The following CCDC180 variants were observed in gnomAD, a reference collection of about 807,000 sequenced individuals.
CCDC180 encodes coiled-coil domain-containing protein 180.
A neutral mutation model predicts 209.2 loss-of-function variants in CCDC180; 154 were observed. That is an observed-to-expected ratio of 0.74 (90% confidence interval 0.65 to 0.84). The LOEUF (loss-of-function observed/expected upper bound fraction) is 0.84, where lower values mean the gene tolerates loss of function less well. CCDC180 is among the 40% of genes least tolerant of loss of function. The pLI is 0.00. For synonymous variants in CCDC180, 778 were observed against 749.1 expected, an observed-to-expected ratio of 1.04 and a Z score of -0.63; for missense variants, 1,874 against 1,997.3, an observed-to-expected ratio of 0.94 and a Z score of 1.18.
intron 33 of CCDC180, 111 bp downstream of exon 33, chr9:97,370,889 C>A: frequency 8.4e-7 from 1 of 1,187,308 alleles, no homozygotes; most frequent in Non-Finnish European, 1.2e-6. Flanking sequence ...CCAAAGCAGG[C>A]ATGATCGTGG....
At chr9:97,310,105 A>G (rs1042136298) in intron 3 of CCDC180, among the ~76,000 whole-genome samples, 2 of 152,234 alleles carry the variant, frequency 1.3e-5, no homozygotes, top group Non-Finnish European at 2.9e-5. Context: ...GGCCACAGTC[A>G]GTATTTTGAA....
chr9:97,316,343 G>A (rs1335787898), intron 8 of CCDC180, among the ~76,000 whole-genome samples: 5 of 152,234 alleles, frequency 3.3e-5, no homozygotes, highest in African/African-American at 1.2e-4. Context: ...AGGAAGTACA[G>A]CTAAATCAAG....
rs780425546 is a variant in CCDC180, at chr9:97,330,623, G to C, written c.2130G>C (p.Glu710Asp). ...REGSLNPSLN[E>D]ENVKGQGEKK... is the part of the protein sequence containing the mutation. ...GCTCCTTAAACCCATCCCTGAATGA[G>C]GAGAATGTGAAGGGTCAAGGAGAAA... Residue 710 changes from glutamate (E) to aspartate (D), a missense_variant, in exon 18 of 37, where the codon GAG becomes GAC. Coordinates refer to ENST00000529487, the MANE Select transcript of CCDC180 (RefSeq NM_020893.6). The C allele has an allele frequency of 1.7e-5, 27 of 1,613,628 alleles. No homozygotes were observed. Among genetic ancestry groups the C allele is most frequent in the Admixed American group, 3.3e-5 (2 of 59,948 alleles).
intron 33 of CCDC180, chr9:97,371,076 G>T (rs1827085471): frequency 5.6e-6 from 1 of 177,138 alleles, no homozygotes; most frequent in Admixed American, 6.5e-5. Flanking sequence ...CCATTCTCCT[G>T]CCTCAGCCTC....
At chr9:97,375,196 G>T (rs1186808123) in intron 35 of CCDC180, among the ~76,000 whole-genome samples, 1 of 152,154 alleles carries the variant, frequency 6.6e-6, no homozygotes, top group Non-Finnish European at 1.5e-5. Context: ...CTCAGAAAGG[G>T]GAGCAACTTG....
intron 31 of CCDC180, among the ~76,000 whole-genome samples, chr9:97,367,779 C>G (rs1422361912): frequency 6.6e-6 from 1 of 152,144 alleles, no homozygotes; most frequent in Non-Finnish European, 1.5e-5. Flanking sequence ...CAGCCAGAGC[C>G]TCAGTTTTCT....
chr9:97,324,337 C>T (rs1044801847), intron 13 of CCDC180, among the ~76,000 whole-genome samples: 4 of 152,210 alleles, frequency 2.6e-5, no homozygotes, highest in South Asian at 4.1e-4. Flanking sequence ...AAAAGCAGCC[C>T]TAGGCCATGC....
chr9:97,362,503 G>C, intron 28 of CCDC180, 62 bp downstream of exon 28: 1 of 1,576,086 alleles, frequency 6.3e-7, no homozygotes, highest in Non-Finnish European at 8.6e-7. Context: ...AAAGGCAGGA[G>C]ATGACCTATG....
intron 18 of CCDC180, among the ~76,000 whole-genome samples, chr9:97,335,299 G>A (rs186153521): frequency 2.6e-4 from 40 of 152,136 alleles, no homozygotes; most frequent in Middle Eastern, 3.4e-3. Context: ...ATTTACACCA[G>A]GTGTTTCTCC....
intron 8 of CCDC180, among the ~76,000 whole-genome samples, 187 bp from the exon 9 acceptor site, chr9:97,316,878 C>A (rs1164506850): frequency 6.6e-6 from 1 of 152,158 alleles, no homozygotes; most frequent in Non-Finnish European, 1.5e-5. Flanking sequence ...CATGGCTACT[C>A]AGTGCCAGGA....
rs753385238 is a variant in CCDC180 at position 97,364,115 on chromosome 9, C to A, written c.3967C>A (p.Pro1323Thr). The change falls in exon 29 of 37, where the codon CCC becomes ACC. Residue 1323 changes from proline to threonine, a missense_variant. Pro to Thr is a conservative substitution (Grantham distance 38, BLOSUM62 -1). Transcript: ENST00000529487. ...RKYRVLGDKP[P>T]PAAEDFKGII... ...GTACCGGGTGCTTGGGGACAAGCCTCCCCCTGCTGCCGAGTGAGTAACAAC... is the reference window on the plus strand; with the variant it reads ...GTACCGGGTGCTTGGGGACAAGCCTACCCCTGCTGCCGAGTGAGTAACAAC... 6.2e-7 allele frequency: 1 copy of A among 1,614,014 alleles called. No individual in the cohort carries two copies. Among genetic ancestry groups the A allele is most frequent in the Admixed American group, 1.7e-5 (1 of 60,002 alleles).
chr9:97,349,989 G>C (rs1204316993), intron 21 of CCDC180, among the ~76,000 whole-genome samples: 2 of 152,114 alleles, frequency 1.3e-5, no homozygotes, highest in Non-Finnish European at 2.9e-5. Context: ...TCACCAATTT[G>C]ATGTGCTCTG....
intron 36 of CCDC180, chr9:97,376,111 T>C (rs549873464): frequency 6.3e-6 from 1 of 158,692 alleles, no homozygotes; most frequent in East Asian, 1.8e-4. Context: ...GTCCCTTCTA[T>C]GCCACTACAG....
At chr9:97,344,494 A>G (rs971845220) in intron 19 of CCDC180, among the ~76,000 whole-genome samples, 1 of 152,230 alleles carries the variant, frequency 6.6e-6, no homozygotes, top group African/African-American at 2.4e-5. Flanking sequence ...CACAGGAGCT[A>G]TTATTTACTG....
intron 16 of CCDC180, 21 bp from the exon 17 acceptor site, chr9:97,330,133 A>T: frequency 6.2e-7 from 1 of 1,605,884 alleles, no homozygotes; most frequent in Non-Finnish European, 8.5e-7. Context: ...TCCTTCAGTG[A>T]CTCTTGGTTT....
In CCDC180 at chr9:97,314,926, C is replaced by A. The variant is rs775838146; in HGVS notation, c.775C>A (p.Leu259Met). The change falls in exon 8 of 37, where the codon CTG (leucine) becomes ATG (methionine). Residue 259 changes from leucine to methionine, a missense_variant. Coordinates refer to ENST00000529487, the MANE Select transcript of CCDC180 (RefSeq NM_020893.6). The stretch of plus-strand genomic sequence containing the variant: ...CCTCATGCGGCCCGAAGTGTACAGG[C>A]TGATAAATGAAGAAGCCATGGTGAG... ...SYLMRPEVYR[L>M]INEEAMVMNY... 1.2e-6 allele frequency: 2 copies of A among 1,613,886 alleles called. No homozygotes were observed. The highest frequency in any genetic ancestry group is 4.5e-5 in the East Asian group (2 of 44,878).
At chr9:97,315,906 T>C (rs1301145803) in intron 8 of CCDC180, among the ~76,000 whole-genome samples, 2 of 152,244 alleles carry the variant, frequency 1.3e-5, no homozygotes, top group African/African-American at 2.4e-5. Context: ...CATCCCAGTA[T>C]ACTCATCATA....
chr9:97,365,799 C>A, intron 30 of CCDC180, 60 bp downstream of exon 30: 1 of 1,482,946 alleles, frequency 6.7e-7, no homozygotes, highest in Non-Finnish European at 9.4e-7. Flanking sequence ...CTTCTGCAGT[C>A]TGCTGATCAT....
At chr9:97,346,350 T>C (rs1826261538) in intron 19 of CCDC180, among the ~76,000 whole-genome samples, 1 of 152,244 alleles carries the variant, frequency 6.6e-6, no homozygotes, top group Non-Finnish European at 1.5e-5. Flanking sequence ...TGCGATGTTG[T>C]TTCTTGTTAT....
Sources: gnomAD v4.1 joint callset for allele counts (sites outside exome capture counted in the v4.1 genomes callset) on GRCh38, gnomAD v4.1.1 for gene constraint, MANE v1.5 for transcripts, NCBI Gene and HGNC (gene_info 2026-07-23, HGNC 2026-07-21) for gene names.